KAT6B: variants seen among roughly 807,000 people sequenced by gnomAD.
The protein encoded by KAT6B is lysine acetyltransferase 6B, also known as histone acetyltransferase KAT6B.
A neutral mutation model predicts 187.5 loss-of-function variants in KAT6B; 10 were observed. The observed-to-expected ratio is 0.05, with a 90% confidence interval of 0.03 to 0.09. The LOEUF is 0.09. KAT6B is among the 10% of genes least tolerant of loss of function. KAT6B has a pLI of 1.00. For missense variants in KAT6B, 1,952 were observed against 2,558.9 expected (o/e 0.76, Z 5.12); for synonymous variants, 861 against 926.8 (o/e 0.93, Z 1.29).
At chr10:74,930,865 C>T (rs1313329687) in intron 3 of KAT6B, among the ~76,000 whole-genome samples, 1 of 152,128 alleles carries the variant, frequency 6.6e-6, no homozygotes, top group Non-Finnish European at 1.5e-5. Context: ...ATTTCCCCCT[C>T]GACCTTTTAC....
At chr10:74,843,623 A>C in intron 3 of KAT6B, 145 bp downstream of exon 3, 2 of 1,007,708 alleles carry the variant, frequency 2.0e-6, no homozygotes, top group South Asian at 2.9e-5. Context: ...TGTATTTTAA[A>C]ATGTATATAT....
intron 3 of KAT6B, among the ~76,000 whole-genome samples, chr10:74,918,748 A>G (rs1052459823): frequency 2.6e-5 from 4 of 152,208 alleles, no homozygotes; most frequent in Non-Finnish European, 5.9e-5. Flanking sequence ...CATCTCAAAA[A>G]AGAAAAGAAT....
rs1296670323 is a variant in KAT6B at position 75,030,404 on chromosome 10, A to G, written c.5580A>G (p.Gln1860=). The G allele has an allele frequency of 1.9e-6, 3 of 1,614,206 alleles. No homozygotes were observed. The highest frequency in any genetic ancestry group is 1.7e-5 in the Admixed American group (1 of 60,026). The change falls in exon 18 of 18, where the codon CAA becomes CAG. Residue 1860 remains glutamine, a synonymous_variant. Coordinates refer to ENST00000287239, the MANE Select transcript of KAT6B (RefSeq NM_012330.4). The surrounding 1 kb of genome is among the most constrained non-coding windows in gnomAD (Gnocchi z 4.8). ...STPLSNTGLV[Q]LSQSPHSVPG... is the part of the protein sequence containing the mutation. ...CATTAAGTAACACAGGGCTTGTTCA[A>G]CTTTCTCAGTCTCCACACTCCGTCC...
intron 3 of KAT6B, among the ~76,000 whole-genome samples, chr10:74,880,710 G>A (rs1418736999): frequency 2.0e-5 from 3 of 152,122 alleles, no homozygotes; most frequent in African/African-American, 7.2e-5. Context: ...CCACCTCCCA[G>A]GCTCAAGCAA....
At chr10:74,979,149 A>G (rs759205885) in intron 9 of KAT6B, 75 bp from the exon 10 acceptor site, 3 of 953,818 alleles carry the variant, frequency 3.1e-6, no homozygotes, top group Non-Finnish European at 5.0e-6. Flanking sequence ...ATAAGTTTTG[A>G]TAGTCACTGG....
chr10:74,914,847 T>C (rs1488263722), intron 3 of KAT6B, among the ~76,000 whole-genome samples: 2 of 152,186 alleles, frequency 1.3e-5, no homozygotes, highest in African/African-American at 4.8e-5. Flanking sequence ...ATCCTAGCAC[T>C]TTGGGAGGCT....
At chr10:74,901,434 G>A (rs1173461061) in intron 3 of KAT6B, among the ~76,000 whole-genome samples, 1 of 152,194 alleles carries the variant, frequency 6.6e-6, no homozygotes, top group African/African-American at 2.4e-5. Context: ...GAGGCAAGAT[G>A]TGTGTGTAGT....
Position 74,989,063 on chromosome 10 carries a change from C to T in KAT6B, c.2580C>T (p.Ile860=). 3 of 1,614,014 alleles carry T rather than the reference C, an allele frequency of 1.9e-6. No individual in the cohort carries two copies. In the African/African-American group the frequency reaches 4.0e-5, roughly 22 times the overall value. Residue 860 remains isoleucine (I), a synonymous_variant, in exon 13 of 18, where the codon ATC becomes ATT. Coordinates refer to ENST00000287239, the MANE Select transcript of KAT6B (RefSeq NM_012330.4). ...AGTATAATGTCTCCTGCATAATGATCATGCCCCAGCACCAAAGGCAAGGAT... is the reference window on the plus strand; with the variant it reads ...AGTATAATGTCTCCTGCATAATGATTATGCCCCAGCACCAAAGGCAAGGAT... ...QQKYNVSCIM[I]MPQHQRQGFG... is the part of the protein sequence containing the mutation.
intron 3 of KAT6B, among the ~76,000 whole-genome samples, chr10:74,884,838 G>A (rs1307945168): frequency 6.6e-6 from 1 of 151,966 alleles, no homozygotes; most frequent in Non-Finnish European, 1.5e-5. Flanking sequence ...CAAAATGCTG[G>A]GATTACAGGC....
chr10:75,027,052 T>C (rs747701103), intron 17 of KAT6B, among the ~76,000 whole-genome samples: 1 of 152,028 alleles, frequency 6.6e-6, no homozygotes, highest in Non-Finnish European at 1.5e-5. Context: ...GGCAGGAGAA[T>C]CGCTTGAACC....
chr10:74,875,616 C>T (rs535758827), intron 3 of KAT6B, among the ~76,000 whole-genome samples: 1 of 152,084 alleles, frequency 6.6e-6, no homozygotes, highest in Admixed American at 6.5e-5. Flanking sequence ...CAGATGTACG[C>T]CACCACACCC....
rs566325206 is a variant in KAT6B, at chr10:74,882,453, C to T, written c.621+38975C>T. 3.3e-5 allele frequency among the ~76,000 whole-genome samples: 5 copies of T among 152,296 alleles called. No homozygotes were observed. The South Asian group carries it at 1.0e-3, about 32-fold the overall frequency. On this transcript the variant is annotated intron_variant, in intron 3 of 17. Coordinates refer to ENST00000287239, the MANE Select transcript of KAT6B (RefSeq NM_012330.4). ...GTAAAAAAGAAATGTGACATTTGGA[C>T]ATATTCTCTTATTAGTAAAGGTATT...
At chr10:74,971,649 T>G (rs905092218) in intron 6 of KAT6B, among the ~76,000 whole-genome samples, 1 of 152,148 alleles carries the variant, frequency 6.6e-6, no homozygotes, top group Non-Finnish European at 1.5e-5. Context: ...TTTTTCTTCC[T>G]GATTTGCAGA....
intron 3 of KAT6B, among the ~76,000 whole-genome samples, chr10:74,913,990 A>G (rs188923176): frequency 4.7e-4 from 72 of 152,306 alleles, no homozygotes; most frequent in African/African-American, 1.5e-3. Context: ...GTTTGAGACC[A>G]GCCTGGGCAA....
Position 74,874,815 on chromosome 10 carries a change from GGT to G in KAT6B, c.621+31352_621+31353del, listed in dbSNP as rs138962788. Among the ~76,000 whole-genome samples the G allele has an allele frequency of 2.4e-3, 366 of 150,752 alleles. 1 individual carries two copies. The highest frequency in any genetic ancestry group is 7.8e-3 in the African/African-American group (323 of 41,164). Reference sequence around the variant, plus strand: ...TTTTGTGTGTGGGTGGTGTGTGTGGGGTGTGTGTGTGTGTGTATGTGTGTGTG... The same window carrying G: ...TTTTGTGTGTGGGTGGTGTGTGTGGGGTGTGTGTGTGTGTATGTGTGTGTG... On this transcript the variant is annotated intron_variant, in intron 3 of 17. Coordinates refer to ENST00000287239, the MANE Select transcript of KAT6B (RefSeq NM_012330.4).
At chr10:74,951,684 G>A (rs1840329386) in intron 3 of KAT6B, among the ~76,000 whole-genome samples, 1 of 152,196 alleles carries the variant, frequency 6.6e-6, no homozygotes, top group South Asian at 2.1e-4. Context: ...TATGCCCAGG[G>A]AAGTATATAG....
At chr10:74,875,269 T>A (rs892414986) in intron 3 of KAT6B, among the ~76,000 whole-genome samples, 2 of 152,170 alleles carry the variant, frequency 1.3e-5, no homozygotes, top group African/African-American at 4.8e-5. Context: ...AGGTCTAGAT[T>A]CCACTTAGTA....
chr10:74,963,339 T>C (rs1841233035), intron 4 of KAT6B, among the ~76,000 whole-genome samples: 1 of 152,228 alleles, frequency 6.6e-6, no homozygotes, highest in East Asian at 1.9e-4. Context: ...GCTGCTCAGA[T>C]TGCTGGGTGG....
intron 4 of KAT6B, 41 bp downstream of exon 4, chr10:74,960,119 A>G (rs1840995898): frequency 1.7e-6 from 2 of 1,182,934 alleles, no homozygotes; most frequent in African/African-American, 1.5e-5. Context: ...ATGACTTCCC[A>G]TTATCATAGC....
Sources: gnomAD v4.1 joint callset for allele counts (sites outside exome capture counted in the v4.1 genomes callset) on GRCh38, gnomAD v4.1.1 for gene constraint, Gnocchi (gnomAD v3.1) non-coding constraint, MANE v1.5 for transcripts, NCBI Gene and HGNC (gene_info 2026-07-23, HGNC 2026-07-21) for gene names.